Variants in IQCJ observed in about 807,000 individuals in gnomAD.
The protein encoded by IQCJ is IQ domain-containing protein J.
A neutral mutation model predicts 11.0 loss-of-function variants in IQCJ; 9 were observed. That is an observed-to-expected ratio of 0.82 (90% CI 0.49 to 1.43). The LOEUF (loss-of-function observed/expected upper bound fraction) is 1.43. Ranked by LOEUF, IQCJ falls within the 40% of genes most tolerant of loss-of-function variation. The pLI, the probability that IQCJ is intolerant of heterozygous loss-of-function variation, is 0.00. For missense variants in IQCJ, 146 were observed against 133.2 expected, an observed-to-expected ratio of 1.10 and a Z score of -0.47; for synonymous variants, 55 against 51.3, an observed-to-expected ratio of 1.07 and a Z score of -0.31.
At chr3:159,236,993 C>G (rs1726633086) in intron 1 of IQCJ, among the ~76,000 whole-genome samples, 1 of 152,148 alleles carries the variant, frequency 6.6e-6, no homozygotes, top group Non-Finnish European at 1.5e-5. Flanking sequence ...ATTTCCAAGA[C>G]ACAAAAACCT....
intron 1 of IQCJ, among the ~76,000 whole-genome samples, chr3:159,215,151 T>C (rs1335593248): frequency 2.6e-5 from 4 of 152,166 alleles, no homozygotes; most frequent in African/African-American, 9.7e-5. Flanking sequence ...TACCTGAGTG[T>C]GTTTATGCTG....
At chr3:159,233,759 G>A (rs1726409854) in intron 1 of IQCJ, among the ~76,000 whole-genome samples, 1 of 152,138 alleles carries the variant, frequency 6.6e-6, no homozygotes. Flanking sequence ...TATCCTTGGT[G>A]TGACACTTAA....
chr3:159,091,821 A>G (rs1255798524), intron 1 of IQCJ, among the ~76,000 whole-genome samples: 1 of 151,798 alleles, frequency 6.6e-6, no homozygotes, highest in Non-Finnish European at 1.5e-5. Flanking sequence ...TTAAAAGCCC[A>G]TGGGTTCATA....
In IQCJ at chr3:159,184,696, T is replaced by C. The variant is rs79082659; in HGVS notation, c.10-61147T>C. 1.7e-3 allele frequency among the ~76,000 whole-genome samples: 254 copies of C among 152,334 alleles called. 1 individual carries two copies. The highest frequency in any genetic ancestry group is 5.7e-3 in the African/African-American group (237 of 41,570). ...CCATGGTTCTTGAGGACTGAGTCCA[T>C]CATTTTATTTACTTTTTAAATCAGG... On this transcript the variant is annotated intron_variant, in intron 1 of 3. Transcript: ENST00000397832.
intron 1 of IQCJ, among the ~76,000 whole-genome samples, chr3:159,076,572 A>G (rs1715932406): frequency 6.6e-6 from 1 of 152,152 alleles, no homozygotes; most frequent in South Asian, 2.1e-4. Context: ...GAATAAATAC[A>G]GGCTTTGGAA....
chr3:159,164,960 T>G (rs1440654820), intron 1 of IQCJ, among the ~76,000 whole-genome samples: 1 of 152,238 alleles, frequency 6.6e-6, no homozygotes, highest in Non-Finnish European at 1.5e-5. Flanking sequence ...CTGCTAGAGC[T>G]CCATCAACCA....
intron 3 of IQCJ, among the ~76,000 whole-genome samples, chr3:159,259,499 GAGA>G (rs1728085492): frequency 1.3e-5 from 2 of 152,146 alleles, no homozygotes; most frequent in Non-Finnish European, 2.9e-5. Flanking sequence ...GTAAATCTAG[GAGA>G]AGAAGGCTGA....
intron 1 of IQCJ, among the ~76,000 whole-genome samples, chr3:159,183,265 G>C (rs1723197357): frequency 6.6e-6 from 1 of 152,128 alleles, no homozygotes; most frequent in Admixed American, 6.5e-5. Context: ...GGTTCATTTT[G>C]AGATTGTTTT....
intron 1 of IQCJ, among the ~76,000 whole-genome samples, chr3:159,133,224 A>G (rs1720097723): frequency 6.6e-6 from 1 of 152,234 alleles, no homozygotes; most frequent in Non-Finnish European, 1.5e-5. Context: ...AGACCTGAAT[A>G]AGAAATCATT....
intron 1 of IQCJ, among the ~76,000 whole-genome samples, chr3:159,087,611 A>G (rs1413898033): frequency 2.0e-5 from 3 of 147,248 alleles, no homozygotes; most frequent in East Asian, 2.0e-4. Context: ...TTATTGGTCT[A>G]TTCAGAGATT....
chr3:159,069,651 T>A (rs756017525), intron 1 of IQCJ: 4 of 644,454 alleles, frequency 6.2e-6, no homozygotes, highest in Non-Finnish European at 1.0e-5. Flanking sequence ...GTATTATTTA[T>A]GTATACATGT....
At chr3:159,215,617 A>C (rs549902057) in intron 1 of IQCJ, among the ~76,000 whole-genome samples, 1 of 152,216 alleles carries the variant, frequency 6.6e-6, no homozygotes, top group Non-Finnish European at 1.5e-5. Context: ...AAATGGAGGT[A>C]AAATGAACTT....
At chr3:159,130,808 A>G (rs1209995334) in intron 1 of IQCJ, among the ~76,000 whole-genome samples, 1 of 152,184 alleles carries the variant, frequency 6.6e-6, no homozygotes, top group Non-Finnish European at 1.5e-5. Context: ...CAAAAGCAGC[A>G]ATAAAGCATA....
chr3:159,089,112 C>G (rs1231027327), intron 1 of IQCJ, among the ~76,000 whole-genome samples: 1 of 151,890 alleles, frequency 6.6e-6, no homozygotes, highest in African/African-American at 2.4e-5. Context: ...TAGGGCAGGC[C>G]TGGTGGTGAC....
At chr3:159,069,927 G>C (rs904390896) in intron 1 of IQCJ, 1 of 273,460 alleles carries the variant, frequency 3.7e-6, no homozygotes, top group Non-Finnish European at 7.5e-6. Flanking sequence ...TGAAAATTGG[G>C]AGAGAAGAGT....
At chr3:159,215,990 G>A (rs1021653173) in intron 1 of IQCJ, among the ~76,000 whole-genome samples, 1 of 151,064 alleles carries the variant, frequency 6.6e-6, no homozygotes, top group East Asian at 2.0e-4. Flanking sequence ...AGTGCATATG[G>A]AATAAATTTA....
At chr3:159,074,814 T>C (rs1182887844) in intron 1 of IQCJ, among the ~76,000 whole-genome samples, 1 of 152,112 alleles carries the variant, frequency 6.6e-6, no homozygotes, top group Non-Finnish European at 1.5e-5. Context: ...TATATTTTAT[T>C]TTTTAAGAAG....
At chr3:159,085,694 T>C (rs1172819932) in intron 1 of IQCJ, among the ~76,000 whole-genome samples, 1 of 151,606 alleles carries the variant, frequency 6.6e-6, no homozygotes, top group Non-Finnish European at 1.5e-5. Flanking sequence ...TTTCATGTGT[T>C]TTTTGGCTGC....
chr3:159,249,193 G>C (rs1045778396), intron 2 of IQCJ, among the ~76,000 whole-genome samples: 1 of 151,896 alleles, frequency 6.6e-6, no homozygotes, highest in African/African-American at 2.4e-5. Flanking sequence ...AGTTTTTTTT[G>C]TTCTGCTAAC....
Sources: allele counts gnomAD v4.1 joint callset (sites outside exome capture counted in the v4.1 genomes callset), GRCh38; gene constraint gnomAD v4.1.1; transcripts MANE v1.5; gene names NCBI Gene and HGNC (gene_info 2026-07-23, HGNC 2026-07-21).